The following PHYH variants were observed in gnomAD, a reference collection of about 807,000 sequenced individuals.
PHYH encodes the protein phytanoyl-CoA dioxygenase, peroxisomal.
In PHYH, 32 loss-of-function variants were observed where a neutral mutation model predicts 38.5. The observed-to-expected ratio is 0.83, with a 90% CI of 0.63 to 1.12. PHYH has a LOEUF of 1.12. PHYH is among the 50% of genes most tolerant of loss of function. The probability of loss-of-function intolerance (pLI) is 0.00; values close to 1 mark genes in which losing one functional copy is unlikely to be tolerated. For missense variants in PHYH, 426 were observed against 434.8 expected (o/e 0.98, Z 0.18); for synonymous variants, 166 against 157.9 (o/e 1.05, Z -0.38).
chr10:13,291,997 C>T (rs1359097959), intron 4 of PHYH, 85 bp from the exon 5 acceptor site: 44 of 895,508 alleles, frequency 4.9e-5, no homozygotes, highest in Non-Finnish European at 7.6e-5. Flanking sequence ...TAGCTATCCA[C>T]ACAAGAACCA....
chr10:13,281,093 G>T lies in PHYH; in HGVS notation c.846C>A (p.Phe282Leu), dbSNP rs373839944. ...CAATGTAGTGGCAATCGGCACTGGC[G>T]AAATGGCAGGAAATTGCCTGTGCAA... ...QGFRKAISCH[F>L]ASADCHYIDV... Residue 282 changes from phenylalanine to leucine, a missense_variant, in exon 8 of 9, where the codon TTC becomes TTA. By Grantham distance (22) the Phe-to-Leu change is conservative (BLOSUM62 0). Coordinates refer to ENST00000263038, the MANE Select transcript of PHYH (RefSeq NM_006214.4). 1.2e-5 allele frequency: 20 copies of T among 1,614,016 alleles called. No homozygotes were observed. In the African/African-American group the frequency reaches 2.5e-4, roughly 20 times the overall value.
Position 13,294,592 on chromosome 10 carries a change from C to T in PHYH, c.250G>A (p.Glu84Lys), listed in dbSNP as rs1171283470. The T allele has an allele frequency of 1.2e-6, 2 of 1,613,906 alleles. No homozygotes were observed. The highest frequency in any genetic ancestry group is 1.7e-5 in the Admixed American group (1 of 60,000). Residue 84 changes from glutamate to lysine, a missense_variant, in exon 4 of 9, where the codon GAG becomes AAG. Glu to Lys is a moderately conservative substitution (Grantham distance 56). Coordinates refer to ENST00000263038, the MANE Select transcript of PHYH (RefSeq NM_006214.4). ...TCCTTTCTGCAGATTTTTTCAAACT[C>T]ATTCCTAGAAAATTTAATTTGCAAA... Reference protein sequence around the residue: ...PDADIQRFRNEFEKICRKEVK... With the variant: ...PDADIQRFRNKFEKICRKEVK...
chr10:13,287,255 C>T (rs1835575592), intron 6 of PHYH, among the ~76,000 whole-genome samples: 2 of 152,106 alleles, frequency 1.3e-5, no homozygotes, highest in Admixed American at 1.3e-4. Flanking sequence ...AGGAGAATCA[C>T]CTGAACCCAG....
intron 5 of PHYH, among the ~76,000 whole-genome samples, chr10:13,289,594 A>C (rs1835652427): frequency 6.6e-6 from 1 of 152,150 alleles, no homozygotes; most frequent in African/African-American, 2.4e-5. Flanking sequence ...GAAGAGAGTG[A>C]TATGGAGTCA....
At chr10:13,278,453 T>C in intron 8 of PHYH, 99 bp from the exon 9 acceptor site, 1 of 836,918 alleles carries the variant, frequency 1.2e-6, no homozygotes, top group Non-Finnish European at 2.1e-6. Flanking sequence ...TTCTAGCTTC[T>C]ATGAAAGGTT....
intron 2 of PHYH, among the ~76,000 whole-genome samples, chr10:13,297,915 G>A (rs1342220445): frequency 3.1e-4 from 47 of 151,158 alleles, no homozygotes; most frequent in Admixed American, 3.1e-3. Context: ...GGCAACATAG[G>A]AAGGGCCCGT....
At chr10:13,284,084 A>T (rs1208546301) in intron 6 of PHYH, among the ~76,000 whole-genome samples, 3 of 152,134 alleles carry the variant, frequency 2.0e-5, no homozygotes, top group African/African-American at 7.2e-5. Flanking sequence ...TCTCTTTGGG[A>T]GGCCAAGTTG....
In PHYH at chr10:13,278,409, T is replaced by C. The variant is rs931494047; in HGVS notation, c.964-55A>G. 1.2e-4 allele frequency: 149 copies of C among 1,214,802 alleles called. 5 individuals are homozygous for C. In the South Asian group the frequency reaches 1.7e-3, roughly 14 times the overall value. 75.3% of individuals were successfully genotyped at this position (1,214,802 alleles called of 1,614,324 possible). On this transcript the variant is annotated intron_variant, in intron 8 of 8. Coordinates refer to ENST00000263038, the MANE Select transcript of PHYH (RefSeq NM_006214.4). ...ATGGAACACTTCAATCTGCCCTCCA[T>C]TAACCTTCAATTTCACCATAACACA...
At chr10:13,296,884 G>T (rs949215645) in intron 2 of PHYH, among the ~76,000 whole-genome samples, 1 of 151,804 alleles carries the variant, frequency 6.6e-6, no homozygotes, top group African/African-American at 2.4e-5. Context: ...AACCCGGGAG[G>T]CGGAGCTTGC....
chr10:13,299,292 T>C, intron 1 of PHYH: 1 of 230,368 alleles, frequency 4.3e-6, no homozygotes, highest in Non-Finnish European at 7.9e-6. Flanking sequence ...TTATCCTTTC[T>C]TTCTCTCTGT....
intron 4 of PHYH, among the ~76,000 whole-genome samples, chr10:13,293,405 G>A (rs1248385469): frequency 3.3e-5 from 5 of 152,000 alleles, no homozygotes; most frequent in Admixed American, 6.6e-5. Flanking sequence ...GGGTTTAAGC[G>A]ATTCTCCTGC....
intron 1 of PHYH, 21 bp downstream of exon 1, chr10:13,299,947 C>A (rs1296463305): frequency 6.6e-7 from 1 of 1,515,134 alleles, no homozygotes; most frequent in Non-Finnish European, 8.8e-7. Context: ...CAGCCCGAGC[C>A]CCGCGCAGCC....
At chr10:13,299,299 C>G in intron 1 of PHYH, 1 of 249,408 alleles carries the variant, frequency 4.0e-6, no homozygotes, top group Non-Finnish European at 6.9e-6. Context: ...TTCTTTCTCT[C>G]TGTTTCTCTC....
intron 6 of PHYH, among the ~76,000 whole-genome samples, chr10:13,285,776 G>C (rs1835534295): frequency 6.6e-6 from 1 of 151,494 alleles, no homozygotes; most frequent in Non-Finnish European, 1.5e-5. Flanking sequence ...GGCTGATTTT[G>C]TATTTTTAGT....
Position 13,288,456 on chromosome 10 carries a change from C to A in PHYH, c.582G>T (p.Thr194=), listed in dbSNP as rs753305530. 2 of 1,614,188 alleles carry A rather than the reference C, an allele frequency of 1.2e-6. No individual in the cohort carries two copies. Among genetic ancestry groups the A allele is most frequent in the East Asian group, 2.2e-5 (1 of 44,876 alleles). Residue 194 remains threonine (T), a synonymous_variant, in exon 6 of 9, where the codon ACG becomes ACT. Transcript: ENST00000263038. ...TGTTCCGGCTGATGTGCTCCATCGCCGTCCAGGCGCAAACGATGAGATCGC... is the reference window on the plus strand; with the variant it reads ...TGTTCCGGCTGATGTGCTCCATCGCAGTCCAGGCGCAAACGATGAGATCGC... The part of the protein sequence containing the change: ...RPSDLIVCAW[T]AMEHISRNNG...
intron 6 of PHYH, among the ~76,000 whole-genome samples, chr10:13,284,543 C>T (rs1356947145): frequency 5.3e-5 from 8 of 152,096 alleles, no homozygotes; most frequent in African/African-American, 7.2e-5. Context: ...TTCTCCTCCT[C>T]GCCCAGAACT....
At chr10:13,290,322 C>G (rs1835675860) in intron 5 of PHYH, among the ~76,000 whole-genome samples, 1 of 151,790 alleles carries the variant, frequency 6.6e-6, no homozygotes, top group Non-Finnish European at 1.5e-5. Context: ...AAAAAGTTAT[C>G]TAAGAGGTCC....
intron 7 of PHYH, among the ~76,000 whole-genome samples, chr10:13,282,290 A>C (rs541952761): frequency 6.6e-6 from 1 of 151,998 alleles, no homozygotes; most frequent in Non-Finnish European, 1.5e-5. Context: ...TTTTAAAATA[A>C]AAGCATTAAA....
At chr10:13,297,296 C>T (rs531820513) in intron 2 of PHYH, among the ~76,000 whole-genome samples, 6 of 152,196 alleles carry the variant, frequency 3.9e-5, no homozygotes, top group African/African-American at 1.4e-4. Flanking sequence ...TACAGCATAC[C>T]CATAAACTCA....
Sources: allele counts gnomAD v4.1 joint callset (sites outside exome capture counted in the v4.1 genomes callset), GRCh38; gene constraint gnomAD v4.1.1; transcripts MANE v1.5; gene names NCBI Gene and HGNC (gene_info 2026-07-23, HGNC 2026-07-21).